Variants in DYNLRB2 observed in about 807,000 individuals in gnomAD.
DYNLRB2 encodes the protein bithoraxoid-like protein.
In DYNLRB2, 14 loss-of-function variants were observed where a neutral mutation model predicts 12.6. The ratio of observed to expected loss-of-function variants is 1.11; its 90% CI spans 0.73 to 1.73. DYNLRB2 has a LOEUF of 1.73. DYNLRB2 is among the 40% of genes most tolerant of loss of function. DYNLRB2 has a pLI of 0.00. For synonymous variants in DYNLRB2, 53 were observed against 37.0 expected, an observed-to-expected ratio of 1.43 and a Z score of -1.57; for missense variants, 142 against 117.7, an observed-to-expected ratio of 1.21 and a Z score of -0.95.
intron 2 of DYNLRB2, chr16:80,548,842 T>C: frequency 2.3e-6 from 1 of 430,042 alleles, no homozygotes; most frequent in East Asian, 7.1e-5. Flanking sequence ...TACCACATTT[T>C]CTAACATAAA....
At chr16:80,541,360 G>A (rs1463369751) in intron 1 of DYNLRB2, 3 of 984,334 alleles carry the variant, frequency 3.0e-6, no homozygotes, top group Non-Finnish European at 3.6e-6. Flanking sequence ...AGAGGATGAA[G>A]AATGCTCAGG....
Position 80,550,598 on chromosome 16 carries a change from G to T in DYNLRB2, c.*40G>T. 1 of 1,609,512 alleles carries T rather than the reference G, an allele frequency of 6.2e-7. No homozygotes were observed. The highest frequency in any genetic ancestry group is 1.1e-5 in the South Asian group (1 of 90,922). ...AGGCTGTTTAAGCGACACTGGGTTG[G>T]AAACACTTGGCTCTCTCATGAGTAT... On this transcript the variant is annotated 3_prime_UTR_variant, in exon 4 of 4. Transcript: ENST00000305904.
At chr16:80,548,960 A>G (rs1904660501) in intron 2 of DYNLRB2, 1 of 456,030 alleles carries the variant, frequency 2.2e-6, no homozygotes, top group Non-Finnish European at 4.4e-6. Flanking sequence ...GACTAACACC[A>G]TGTCACAGAG....
intron 2 of DYNLRB2, chr16:80,547,923 G>A: frequency 2.6e-6 from 1 of 387,690 alleles, no homozygotes; most frequent in Non-Finnish European, 5.2e-6. Context: ...AAACATTCTG[G>A]ACATAGCAGT....
intron 2 of DYNLRB2, among the ~76,000 whole-genome samples, chr16:80,547,080 G>A (rs1165198882): frequency 3.9e-5 from 6 of 152,166 alleles, no homozygotes; most frequent in African/African-American, 1.4e-4. Context: ...GTAAAAGATT[G>A]GGAACAGCCT....
intron 1 of DYNLRB2, among the ~76,000 whole-genome samples, chr16:80,542,503 G>C (rs376883099): frequency 6.2e-4 from 94 of 152,308 alleles, no homozygotes; most frequent in African/African-American, 2.1e-3. Flanking sequence ...CCCTCATCAA[G>C]AGAATTTGCA....
intron 2 of DYNLRB2, chr16:80,547,995 T>G: frequency 2.9e-6 from 1 of 343,146 alleles, no homozygotes; most frequent in Non-Finnish European, 5.7e-6. Flanking sequence ...AAGATTTTTA[T>G]GAAAACCTGG....
At chr16:80,548,651 G>T (rs1475395738) in intron 2 of DYNLRB2, among the ~76,000 whole-genome samples, 1 of 151,454 alleles carries the variant, frequency 6.6e-6, no homozygotes, top group Non-Finnish European at 1.5e-5. Flanking sequence ...GAACCCAGGA[G>T]GCAGAGGTTG....
At chr16:80,540,873 C>T (rs370780853), upstream of DYNLRB2, 312 of 892,280 alleles carry the variant, frequency 3.5e-4, 3 homozygotes, top group East Asian at 6.6e-3. Context: ...CTGCTCCCCT[C>T]TTCCGCGAAC....
At chr16:80,545,537 G>C (rs1382744165) in intron 2 of DYNLRB2, among the ~76,000 whole-genome samples, 1 of 151,964 alleles carries the variant, frequency 6.6e-6, no homozygotes, top group African/African-American at 2.4e-5. Flanking sequence ...GAAGGGTAGG[G>C]ATATGTTACA....
In DYNLRB2 at chr16:80,541,597, GA is replaced by G. The variant is rs1015558779; in HGVS notation, c.3+528del. ...CCCTCCCCCCCAGAAAAAGAGGTAA[GA>G]AAAAAAAAAGTAGAGACTGTGGAAA... On this transcript the variant is annotated intron_variant, in intron 1 of 3. Coordinates refer to ENST00000305904, the MANE Select transcript of DYNLRB2 (RefSeq NM_130897.3). 2.1e-3 allele frequency among the ~76,000 whole-genome samples: 261 copies of G among 121,932 alleles called. 2 individuals carry two copies. Among genetic ancestry groups the G allele is most frequent in the African/African-American group, 7.4e-3 (244 of 33,056 alleles). 80.0% of individuals were successfully genotyped at this position (121,932 alleles called of 152,430 possible).
Position 80,550,776 on chromosome 16 carries a change from T to C in DYNLRB2, c.*218T>C. The stretch of plus-strand genomic sequence containing the variant: ...GTGAATTCTGGTATATACGTCTCTA[T>C]TGTCTTATAATACACAAAACCAAGG... On this transcript the variant is annotated 3_prime_UTR_variant, in exon 4 of 4. Coordinates refer to ENST00000305904, the MANE Select transcript of DYNLRB2 (RefSeq NM_130897.3). The C allele has an allele frequency of 1.8e-6, 1 of 570,604 alleles. No individual in the cohort carries two copies. The allele number at this position is 570,604 out of a possible 1,614,324, so 35.3% of individuals were successfully genotyped here.
In DYNLRB2 at chr16:80,541,043, G is replaced by A. The variant is rs781247522; in HGVS notation, c.-34G>A. The A allele has an allele frequency of 3.1e-6, 5 of 1,604,798 alleles. No homozygotes were observed. Among genetic ancestry groups the A allele is most frequent in the East Asian group, 4.5e-5 (2 of 44,730 alleles). On this transcript the variant is annotated 5_prime_UTR_variant, in exon 1 of 4. Coordinates refer to ENST00000305904, the MANE Select transcript of DYNLRB2 (RefSeq NM_130897.3). ...TGTTGACATCCCGGGAGGCTGTGCCGCCGGCCTGAGCCCAGAGTTTCGCGG... is the reference window on the plus strand; with the variant it reads ...TGTTGACATCCCGGGAGGCTGTGCCACCGGCCTGAGCCCAGAGTTTCGCGG...
intron 2 of DYNLRB2, among the ~76,000 whole-genome samples, chr16:80,544,493 G>A (rs150359899): frequency 1.6e-4 from 25 of 152,294 alleles, no homozygotes; most frequent in African/African-American, 5.3e-4. Context: ...CAAACTATGC[G>A]TAATATTTCC....
At chr16:80,543,150 G>C (rs1364030486) in intron 1 of DYNLRB2, 126 bp from the exon 2 acceptor site, 11 of 899,848 alleles carry the variant, frequency 1.2e-5, no homozygotes, top group African/African-American at 3.4e-5. Flanking sequence ...AAAAATCTGA[G>C]ATTATCACAC....
chr16:80,543,389 G>T (rs753920941), intron 2 of DYNLRB2, 38 bp downstream of exon 2: 6 of 1,605,064 alleles, frequency 3.7e-6, no homozygotes, highest in Non-Finnish European at 5.1e-6. Flanking sequence ...ACACACAGAA[G>T]CCAACCAGGA....
chr16:80,541,356 TGAA>T (rs1597086553), intron 1 of DYNLRB2: 24 of 983,356 alleles, frequency 2.4e-5, no homozygotes, highest in African/African-American at 3.5e-5. Flanking sequence ...ATTCAGAGGA[TGAA>T]GAATGCTCAG....
At chr16:80,544,482 A>T (rs1904332398) in intron 2 of DYNLRB2, among the ~76,000 whole-genome samples, 1 of 152,222 alleles carries the variant, frequency 6.6e-6, no homozygotes, top group Non-Finnish European at 1.5e-5. Context: ...CAGGTAAGTC[A>T]CAAACTATGC....
intron 2 of DYNLRB2, among the ~76,000 whole-genome samples, chr16:80,546,064 T>TA (rs149075386): frequency 9.4e-4 from 143 of 152,316 alleles, no homozygotes; most frequent in Non-Finnish European, 1.6e-3. Context: ...TAAGAGTTTT[T>TA]ACCTGAAAGC....
Sources: gnomAD v4.1 joint callset for allele counts (sites outside exome capture counted in the v4.1 genomes callset) on GRCh38, gnomAD v4.1.1 for gene constraint, MANE v1.5 for transcripts, NCBI Gene and HGNC (gene_info 2026-07-23, HGNC 2026-07-21) for gene names.